NOX4: variants seen among roughly 807,000 people sequenced by gnomAD.
NOX4 encodes kidney oxidase-1.
NOX4 carries 69 observed loss-of-function variants against 87.6 expected under a neutral mutation model. The observed-to-expected ratio is 0.79, with a 90% confidence interval of 0.65 to 0.96. The LOEUF is 0.96. NOX4 is among the 40% of genes least tolerant of loss of function. The pLI is 0.00. For missense variants in NOX4, 680 were observed against 681.5 expected (o/e 1.00, Z 0.02); for synonymous variants, 275 against 238.2 (o/e 1.15, Z -1.42).
At chr11:89,381,945 G>A (rs1940319803) in intron 11 of NOX4, among the ~76,000 whole-genome samples, 1 of 152,128 alleles carries the variant, frequency 6.6e-6, no homozygotes, top group Non-Finnish European at 1.5e-5. Flanking sequence ...TTTTCTGGTA[G>A]AGACAGAAGA....
At chr11:89,466,626 T>C (rs977814279) in intron 2 of NOX4, among the ~76,000 whole-genome samples, 6 of 152,202 alleles carry the variant, frequency 3.9e-5, no homozygotes, top group African/African-American at 9.6e-5. Context: ...AGGAGTTCAA[T>C]AGTGAACTAA....
chr11:89,329,941 A>G (rs1565164972), intron 17 of NOX4, among the ~76,000 whole-genome samples: 1 of 152,100 alleles, frequency 6.6e-6, no homozygotes, highest in Admixed American at 6.6e-5. Flanking sequence ...ACCAAAGGAA[A>G]GAAGGACACC....
chr11:89,434,775 TAA>T (rs143649604), intron 6 of NOX4, among the ~76,000 whole-genome samples: 5 of 146,788 alleles, frequency 3.4e-5, no homozygotes, highest in East Asian at 2.0e-4. Flanking sequence ...TAATCAGCAA[TAA>T]AAAAAAAATA....
At chr11:89,522,734 A>G in the NOX4 span, among the ~76,000 whole-genome samples, 3 of 152,232 alleles carry the variant, frequency 2.0e-5, no homozygotes, top group Non-Finnish European at 4.4e-5. Flanking sequence ...AAGTAAACTT[A>G]ATTGTTTTCA....
At chr11:89,353,281 A>C (rs1431173632) in intron 13 of NOX4, among the ~76,000 whole-genome samples, 1 of 152,168 alleles carries the variant, frequency 6.6e-6, no homozygotes, top group Non-Finnish European at 1.5e-5. Flanking sequence ...AATCTTTTGT[A>C]AAAGGAAGAG....
At chr11:89,408,547 C>T (rs994894871) in intron 8 of NOX4, among the ~76,000 whole-genome samples, 1 of 152,118 alleles carries the variant, frequency 6.6e-6, no homozygotes, top group African/African-American at 2.4e-5. Context: ...TCTGGGTACC[C>T]ACCCTACCAA....
chr11:89,352,368 T>C (rs1946498033), intron 13 of NOX4, among the ~76,000 whole-genome samples: 1 of 152,180 alleles, frequency 6.6e-6, no homozygotes, highest in Non-Finnish European at 1.5e-5. Context: ...CTGCTAACAT[T>C]ACATCCATTT....
rs371737903 is a variant in NOX4, at chr11:89,400,099, T to A, written c.1012-20A>T. 68 of 1,592,164 alleles carry A rather than the reference T, an allele frequency of 4.3e-5. No individual in the cohort carries two copies. Among genetic ancestry groups the A allele is most frequent in the Non-Finnish European group, 5.7e-5 (67 of 1,165,284 alleles). On this transcript the variant is annotated intron_variant, in intron 10 of 17. Transcript: ENST00000263317. Reference sequence around the variant, plus strand: ...AATATACTAAAAAGCAACAAACAGATAAGTTTTAAATGACCAATTAAGAAT... The same window carrying A: ...AATATACTAAAAAGCAACAAACAGAAAAGTTTTAAATGACCAATTAAGAAT...
At chr11:89,385,350 T>C (rs1940624687) in intron 11 of NOX4, among the ~76,000 whole-genome samples, 1 of 152,204 alleles carries the variant, frequency 6.6e-6, no homozygotes, top group Non-Finnish European at 1.5e-5. Context: ...GTAATGCTTA[T>C]GCTGTTAAGG....
At chr11:89,434,707 A>C (rs577050502) in intron 6 of NOX4, among the ~76,000 whole-genome samples, 3 of 152,066 alleles carry the variant, frequency 2.0e-5, no homozygotes, top group African/African-American at 7.2e-5. Context: ...AACGACTCTG[A>C]TATTCATCAA....
intron 11 of NOX4, among the ~76,000 whole-genome samples, chr11:89,389,898 G>A (rs530085862): frequency 1.3e-5 from 2 of 152,208 alleles, no homozygotes; most frequent in Non-Finnish European, 2.9e-5. Context: ...GTGTCACCGA[G>A]TTAACAATAC....
chr11:89,495,958 T>C (rs1289780840), upstream of NOX4, among the ~76,000 whole-genome samples: 5 of 152,190 alleles, frequency 3.3e-5, no homozygotes, highest in Admixed American at 6.5e-5. Flanking sequence ...CATCCCAGTA[T>C]GCAGCATAAA....
chr11:89,337,172 G>A (rs1177788085), intron 16 of NOX4, among the ~76,000 whole-genome samples: 1 of 151,818 alleles, frequency 6.6e-6, no homozygotes, highest in Non-Finnish European at 1.5e-5. Context: ...AAATCATAAG[G>A]CTGTTCATGT....
At chr11:89,527,752 C>G in the NOX4 span, among the ~76,000 whole-genome samples, 5 of 152,160 alleles carry the variant, frequency 3.3e-5, no homozygotes, top group African/African-American at 1.2e-4. Flanking sequence ...GCCTAGATGT[C>G]TAGGCAGAAA....
At chr11:89,440,845 G>T in intron 5 of NOX4, 130 bp from the exon 6 acceptor site, 1 of 486,168 alleles carries the variant, frequency 2.1e-6, no homozygotes, top group Non-Finnish European at 3.7e-6. Flanking sequence ...ACGGAAGTGA[G>T]AAAGACTCGA....
chr11:89,550,836 C>T, the NOX4 span, among the ~76,000 whole-genome samples: 1 of 152,154 alleles, frequency 6.6e-6, no homozygotes, highest in East Asian at 1.9e-4. Flanking sequence ...GTTGCCATTG[C>T]TTTTGGTGTT....
intron 11 of NOX4, among the ~76,000 whole-genome samples, chr11:89,394,693 C>T (rs531573902): frequency 1.6e-4 from 25 of 152,102 alleles, no homozygotes; most frequent in Admixed American, 3.9e-4. Context: ...TGATGTTCCC[C>T]GCCCTGTGTA....
At chr11:89,502,375 G>T (rs116152802), upstream of NOX4, among the ~76,000 whole-genome samples, 1 of 151,920 alleles carries the variant, frequency 6.6e-6, no homozygotes, top group Non-Finnish European at 1.5e-5. Context: ...TAGTCTTATC[G>T]GTTAAAGAGA....
rs1426597427 is a variant in NOX4 at position 89,342,079 on chromosome 11, G to A, written c.1332C>T (p.Thr444=). The change falls in exon 14 of 18, where the codon ACC becomes ACT. Residue 444 remains threonine, a synonymous_variant. Coordinates refer to ENST00000263317, the MANE Select transcript of NOX4 (RefSeq NM_016931.5). ...AATAGATCAAAATGACATACAACAG[G>A]GTGTTGAGTATTGATGCAAATGGAG... ...GVTPFASILN[T]LLDDWKPYKL... The A allele has an allele frequency of 1.2e-6, 2 of 1,610,842 alleles. No homozygotes were observed. The highest frequency in any genetic ancestry group is 1.7e-6 in the Non-Finnish European group (2 of 1,177,930).
Sources: gnomAD v4.1 joint callset for allele counts (sites outside exome capture counted in the v4.1 genomes callset) on GRCh38, gnomAD v4.1.1 for gene constraint, MANE v1.5 for transcripts, NCBI Gene and HGNC (gene_info 2026-07-23, HGNC 2026-07-21) for gene names.